CTNNA2: variants seen among roughly 807,000 people sequenced by gnomAD.
CTNNA2 encodes catenin alpha 2.
A neutral mutation model predicts 101.0 loss-of-function variants in CTNNA2; 42 were observed. The observed-to-expected ratio is 0.42, with a 90% confidence interval of 0.32 to 0.54. The LOEUF (loss-of-function observed/expected upper bound fraction) is 0.54. Ranked by LOEUF, CTNNA2 falls within the 20% of genes least tolerant of loss-of-function variation. The pLI is 0.14. For missense variants in CTNNA2, 871 were observed against 1,223.1 expected, an observed-to-expected ratio of 0.71 and a Z score of 4.29; for synonymous variants, 450 against 456.4, an observed-to-expected ratio of 0.99 and a Z score of 0.18.
chr2:80,005,199 C>T (rs557100211), intron 7 of CTNNA2, among the ~76,000 whole-genome samples: 2 of 152,262 alleles, frequency 1.3e-5, no homozygotes, highest in East Asian at 3.9e-4. Context: ...GTTTAGGGCC[C>T]TGCATGCAGT....
intron 7 of CTNNA2, among the ~76,000 whole-genome samples, chr2:80,322,158 A>T (rs977986942): frequency 6.6e-6 from 1 of 152,140 alleles, no homozygotes; most frequent in Non-Finnish European, 1.5e-5. Flanking sequence ...ATTAATTACC[A>T]TCTGATAAGC....
At chr2:79,317,592 G>A (rs17016796) in intron 3 of CTNNA2, among the ~76,000 whole-genome samples, 21,807 of 151,948 alleles carry the variant, frequency 0.14, 1,639 homozygotes, top group East Asian at 0.17. Context: ...AAGTCATAAG[G>A]AAATGGCCTA....
chr2:79,579,633 G>A (rs1357140337), intron 1 of CTNNA2, among the ~76,000 whole-genome samples: 2 of 151,774 alleles, frequency 1.3e-5, no homozygotes, highest in East Asian at 1.9e-4. Flanking sequence ...TTATTTTTTC[G>A]AGATGGAGTT....
intron 7 of CTNNA2, among the ~76,000 whole-genome samples, chr2:79,917,447 GA>G (rs763570238): frequency 1.3e-5 from 2 of 152,108 alleles, no homozygotes; most frequent in African/African-American, 2.4e-5. Flanking sequence ...TCTCTGAGGT[GA>G]AAAACTATCC....
chr2:79,834,146 C>T (rs1371363911), intron 3 of CTNNA2, among the ~76,000 whole-genome samples: 2 of 152,136 alleles, frequency 1.3e-5, no homozygotes, highest in Non-Finnish European at 2.9e-5. Flanking sequence ...AATAATATAG[C>T]TTATCAATAA....
At chr2:80,593,902 C>T (rs1384150449) in intron 15 of CTNNA2, among the ~76,000 whole-genome samples, 3 of 152,174 alleles carry the variant, frequency 2.0e-5, no homozygotes, top group African/African-American at 7.2e-5. Context: ...TGGGTTGCTT[C>T]CACCTTTTGG....
chr2:79,812,389 T>G (rs1677113968), intron 3 of CTNNA2, among the ~76,000 whole-genome samples: 1 of 152,160 alleles, frequency 6.6e-6, no homozygotes. Flanking sequence ...GATTCCTTTA[T>G]TGGGTTTAGG....
Position 80,067,393 on chromosome 2 carries a change from CAT to C in CTNNA2, c.1056+157597_1056+157598del, listed in dbSNP as rs758974954. On this transcript the variant is annotated intron_variant, in intron 7 of 18. Coordinates refer to ENST00000402739, the MANE Select transcript of CTNNA2 (RefSeq NM_001282597.3). ...CAAAACATCATGTTTTGAATATAAACATGTTTTATATATAAACATATATAATT... is the reference window on the plus strand; with the variant it reads ...CAAAACATCATGTTTTGAATATAAACGTTTTATATATAAACATATATAATT... 5.9e-5 allele frequency among the ~76,000 whole-genome samples: 9 copies of C among 151,674 alleles called. No individual in the cohort carries two copies. The South Asian group carries it at 6.2e-4, about 10-fold the overall frequency.
intron 3 of CTNNA2, among the ~76,000 whole-genome samples, chr2:79,809,990 C>A (rs115205626): frequency 1.3e-5 from 2 of 152,044 alleles, no homozygotes; most frequent in African/African-American, 4.8e-5. Flanking sequence ...GTAAAACCAT[C>A]GACACTATAA....
intron 9 of CTNNA2, among the ~76,000 whole-genome samples, chr2:80,541,061 A>G (rs773368617): frequency 1.3e-5 from 2 of 152,176 alleles, no homozygotes; most frequent in Non-Finnish European, 2.9e-5. Flanking sequence ...AATTCTAGAA[A>G]TCAAAATATA....
At chr2:80,447,262 C>G (rs898245446) in intron 9 of CTNNA2, among the ~76,000 whole-genome samples, 4 of 152,186 alleles carry the variant, frequency 2.6e-5, no homozygotes, top group African/African-American at 9.7e-5. Flanking sequence ...TGCCTTCAAT[C>G]TATTACTTTT....
At position 79,654,799 on chromosome 2, in the gene CTNNA2, C is replaced by CACCTAATACTGATATGCTT. The variant is rs569442802; in HGVS notation, c.102+3156_102+3174dup. Among the ~76,000 whole-genome samples, 753 of 152,222 alleles carry CACCTAATACTGATATGCTT rather than the reference C, an allele frequency of 4.9e-3. 6 individuals carry two copies. The highest frequency in any genetic ancestry group is 0.017 in the African/African-American group (726 of 41,526). On this transcript the variant is annotated intron_variant, in intron 2 of 18. Coordinates refer to ENST00000402739, the MANE Select transcript of CTNNA2 (RefSeq NM_001282597.3). ...GTTCTATAAAAATTTCTGCAAGAAG[C>CACCTAATACTGATATGCTT]ACCTAATACTGATATGCTTACCTAA... is the stretch of plus-strand genomic sequence containing the variant.
chr2:79,625,815 C>A (rs1558781467), intron 1 of CTNNA2, among the ~76,000 whole-genome samples: 1 of 152,178 alleles, frequency 6.6e-6, no homozygotes, highest in East Asian at 1.9e-4. Context: ...CTGCCAGTTA[C>A]CTCCTTGGTG....
chr2:80,394,643 G>T (rs763840224), intron 8 of CTNNA2, among the ~76,000 whole-genome samples: 2 of 152,128 alleles, frequency 1.3e-5, no homozygotes, highest in Non-Finnish European at 2.9e-5. Flanking sequence ...AGTTGAAAAC[G>T]CTGAATTAGA....
chr2:79,553,291 C>T (rs1365573952), intron 1 of CTNNA2, among the ~76,000 whole-genome samples: 1 of 152,142 alleles, frequency 6.6e-6, no homozygotes, highest in African/African-American at 2.4e-5. Flanking sequence ...CAAAACCATT[C>T]AACAAGTCTC....
chr2:80,199,878 A>G (rs368591296), intron 7 of CTNNA2, among the ~76,000 whole-genome samples: 2 of 152,246 alleles, frequency 1.3e-5, no homozygotes, highest in Admixed American at 6.5e-5. Context: ...AAGTGGAACC[A>G]GGAATTGTGT....
At chr2:80,403,509 A>G (rs1226123407) in intron 8 of CTNNA2, among the ~76,000 whole-genome samples, 1 of 152,192 alleles carries the variant, frequency 6.6e-6, no homozygotes, top group African/African-American at 2.4e-5. Context: ...TTTTTATGGC[A>G]TTCCGAAGTA....
At chr2:80,467,470 C>T (rs1326800195) in intron 9 of CTNNA2, among the ~76,000 whole-genome samples, 1 of 152,034 alleles carries the variant, frequency 6.6e-6, no homozygotes. Flanking sequence ...TCTGTGAGAC[C>T]ATAATTAGTT....
intron 3 of CTNNA2, among the ~76,000 whole-genome samples, chr2:79,801,421 T>G (rs1159294389): frequency 6.6e-6 from 1 of 152,188 alleles, no homozygotes; most frequent in Admixed American, 6.5e-5. Flanking sequence ...TAAATGCTCT[T>G]TAGAGAAACT....
Sources: gnomAD v4.1 joint callset for allele counts (sites outside exome capture counted in the v4.1 genomes callset) on GRCh38, gnomAD v4.1.1 for gene constraint, MANE v1.5 for transcripts, NCBI Gene and HGNC (gene_info 2026-07-23, HGNC 2026-07-21) for gene names.